The following DHH variants were observed in gnomAD, a reference collection of about 807,000 sequenced individuals.
DHH encodes desert hedgehog signaling molecule.
Under a neutral mutation model 27.6 loss-of-function variants are expected in DHH, and 16 were observed. The observed-to-expected ratio is 0.58, with a 90% CI of 0.39 to 0.88. The LOEUF is 0.88. Among genes scored for constraint, DHH ranks in the 40% least tolerant of loss-of-function variants. The pLI is 0.00. For missense variants in DHH, 436 were observed against 563.1 expected, an observed-to-expected ratio of 0.77 and a Z score of 2.28; for synonymous variants, 289 against 263.4, an observed-to-expected ratio of 1.10 and a Z score of -0.94.
intron 1 of DHH, among the ~76,000 whole-genome samples, chr12:49,093,739 A>C (rs2120837622): frequency 6.6e-6 from 1 of 152,168 alleles, no homozygotes; most frequent in South Asian, 2.1e-4. Context: ...TGGTGACCTG[A>C]CCCTTGGCCA....
intron 1 of DHH, chr12:49,093,207 G>A (rs1939335444): frequency 6.6e-6 from 1 of 152,104 alleles, no homozygotes; most frequent in Admixed American, 6.5e-5. Context: ...CAGTGGGGGT[G>A]GGGAGGGTTG....
chr12:49,091,030 G>T lies in DHH; in HGVS notation c.565+98C>A. On this transcript the variant is annotated intron_variant, in intron 2 of 2. Transcript: ENST00000649637. This position sits in a 1 kb window ranked among gnomAD's most constrained non-coding sequence, Gnocchi z 4.8. ...CGGGTGGTTTTCAACACTAAAGCCC[G>T]CTTGGTCTCCCCTAGGGTGGCAACA... 2.5e-6 allele frequency: 4 copies of T among 1,588,638 alleles called. No homozygotes were observed. Among genetic ancestry groups the T allele is most frequent in the East Asian group, 4.5e-5 (2 of 44,730 alleles).
rs1464252299 is a variant in DHH, at chr12:49,086,960, G to T, written c.*2899C>A. Reference sequence around the variant, plus strand: ...GCAAAGTCAGTCAGAAGTGGCCAAAGAATAGAAAACATTTACTGAGCGCCT... The same window carrying T: ...GCAAAGTCAGTCAGAAGTGGCCAAATAATAGAAAACATTTACTGAGCGCCT... On this transcript the variant is annotated 3_prime_UTR_variant, in exon 3 of 3. Coordinates refer to ENST00000649637, the MANE Select transcript of DHH (RefSeq NM_021044.4). Among the ~76,000 whole-genome samples, 1 of 152,178 alleles carries T rather than the reference G, an allele frequency of 6.6e-6. No individual in the cohort carries two copies. Among genetic ancestry groups the T allele is most frequent in the African/African-American group, 2.4e-5 (1 of 41,440 alleles).
Position 49,090,594 on chromosome 12 carries a change from C to G in DHH, c.566-110G>C. On this transcript the variant is annotated intron_variant, in intron 2 of 2. Coordinates refer to ENST00000649637, the MANE Select transcript of DHH (RefSeq NM_021044.4). This position sits in a 1 kb window ranked among gnomAD's most constrained non-coding sequence, Gnocchi z 5.2. The stretch of plus-strand genomic sequence containing the variant: ...ATGGACAACACAATTTTCCGTTAAT[C>G]TGACTGGCCCCAACCTGGGCAGAAA... The G allele has an allele frequency of 1.4e-6, 2 of 1,436,014 alleles. No individual in the cohort carries two copies. Among genetic ancestry groups the G allele is most frequent in the South Asian group, 2.5e-5 (2 of 81,496 alleles). 89.0% of individuals were successfully genotyped at this position (1,436,014 alleles called of 1,614,324 possible). A position where few individuals can be genotyped will look rare whatever the true frequency, so the allele number is the denominator to read the frequency against.
chr12:49,094,167 A>AGCTGGCAGTGCCCCGGC, intron 1 of DHH, 43 bp downstream of exon 1: 1 of 1,610,262 alleles, frequency 6.2e-7, no homozygotes. Context: ...AAAACGGAGG[A>AGCTGGCAGTGCCCCGGC]GCTGGCAGTG....
At position 49,087,828 on chromosome 12, in the gene DHH, G is replaced by A. The variant is rs1939232666; in HGVS notation, c.*2031C>T. ...GATTAGTCATCACCTGTGGTGACAT[G>A]ACAGGAAGGCACCAGATCTGATAAA... On this transcript the variant is annotated 3_prime_UTR_variant, in exon 3 of 3. Coordinates refer to ENST00000649637, the MANE Select transcript of DHH (RefSeq NM_021044.4). 6.6e-6 allele frequency among the ~76,000 whole-genome samples: 1 copy of A among 152,164 alleles called. No homozygotes were observed. The highest frequency in any genetic ancestry group is 2.4e-5 in the African/African-American group (1 of 41,424).
At position 49,088,161 on chromosome 12, in the gene DHH, A is replaced by G. The variant is rs575240133; in HGVS notation, c.*1698T>C. On this transcript the variant is annotated 3_prime_UTR_variant, in exon 3 of 3. Coordinates refer to ENST00000649637, the MANE Select transcript of DHH (RefSeq NM_021044.4). ...ACAGGTATACTAGTAGGGCATCTGC[A>G]GCTTCCAGGAACCACAGAGCTAAAC... is the stretch of plus-strand genomic sequence containing the variant. 2.0e-4 allele frequency among the ~76,000 whole-genome samples: 30 copies of G among 152,268 alleles called. No homozygotes were observed. The highest frequency in any genetic ancestry group is 7.2e-4 in the African/African-American group (30 of 41,542).
Position 49,090,954 on chromosome 12 carries a change from G to T in DHH, c.565+174C>A, listed in dbSNP as rs953746824. 6.6e-6 allele frequency among the ~76,000 whole-genome samples: 1 copy of T among 151,762 alleles called. No individual in the cohort carries two copies. The highest frequency in any genetic ancestry group is 2.4e-5 in the African/African-American group (1 of 41,118). ...TGACCTCAAGTGATCCGCCCTCCTT[G>T]GCCTCCCAAAGTGCTGGGATTAGAG... is the stretch of plus-strand genomic sequence containing the variant. On this transcript the variant is annotated intron_variant, in intron 2 of 2. Transcript: ENST00000649637. This position sits in a 1 kb window ranked among gnomAD's most constrained non-coding sequence, Gnocchi z 5.2.
intron 1 of DHH, among the ~76,000 whole-genome samples, chr12:49,092,627 G>C (rs1378063746): frequency 1.3e-5 from 2 of 152,242 alleles, no homozygotes; most frequent in African/African-American, 4.8e-5. Flanking sequence ...AACAGGAAAA[G>C]TGGTAGCTCC....
Position 49,089,247 on chromosome 12 carries a change from G to A in DHH, c.*612C>T, listed in dbSNP as rs1386024529. Among the ~76,000 whole-genome samples, 3 of 152,374 alleles carry A rather than the reference G, an allele frequency of 2.0e-5. No homozygotes were observed. Among genetic ancestry groups the A allele is most frequent in the Middle Eastern group, 3.4e-3 (1 of 294 alleles). ...AGACGGAAACAGCAGCCTGGAAAAG[G>A]GTACGACTCTTGTGGGCTCTGTTGC... On this transcript the variant is annotated 3_prime_UTR_variant, in exon 3 of 3. Transcript: ENST00000649637.
At chr12:49,093,118 A>G (rs1939333977) in intron 1 of DHH, 1 of 152,198 alleles carries the variant, frequency 6.6e-6, no homozygotes, top group Non-Finnish European at 1.5e-5. Flanking sequence ...AGTCCCAGCC[A>G]TGCCACTTTA....
rs1939245118 is a variant in DHH at position 49,088,643 on chromosome 12, C to G, written c.*1216G>C. Among the ~76,000 whole-genome samples, 1 of 152,146 alleles carries G rather than the reference C, an allele frequency of 6.6e-6. No homozygotes were observed. The highest frequency in any genetic ancestry group is 1.5e-5 in the Non-Finnish European group (1 of 68,024). ...ACCTGCCTGCCTGGATTCCAGGTGT[C>G]TACTGCGTTGGAACCTAAAGGTTCC... is the stretch of plus-strand genomic sequence containing the variant. On this transcript the variant is annotated 3_prime_UTR_variant, in exon 3 of 3. Coordinates refer to ENST00000649637, the MANE Select transcript of DHH (RefSeq NM_021044.4).
In DHH at chr12:49,091,481, C is replaced by G. The variant is rs1285204724; in HGVS notation, c.304-92G>C. On this transcript the variant is annotated intron_variant, in intron 1 of 2. Coordinates refer to ENST00000649637, the MANE Select transcript of DHH (RefSeq NM_021044.4). The surrounding 1 kb of genome is among the most constrained non-coding windows in gnomAD (Gnocchi z 4.8). The stretch of plus-strand genomic sequence containing the variant: ...GGGTTGATTCTTTGTTATTCCGGCC[C>G]TACTCTTACCCCTCCCAGCTTTTGA... 9.1e-6 allele frequency: 14 copies of G among 1,533,938 alleles called. No homozygotes were observed. The highest frequency in any genetic ancestry group is 1.2e-5 in the Non-Finnish European group (14 of 1,136,116).
In DHH at chr12:49,087,755, A is replaced by G. The variant is rs1939231639; in HGVS notation, c.*2104T>C. ...CATTACCTGATTACCTGGGAAGGGC[A>G]GTAAAACCAAGGAGCCCATCAACAT... On this transcript the variant is annotated 3_prime_UTR_variant, in exon 3 of 3. Transcript: ENST00000649637. Among the ~76,000 whole-genome samples the G allele has an allele frequency of 6.6e-6, 1 of 152,242 alleles. No homozygotes were observed. Among genetic ancestry groups the G allele is most frequent in the Non-Finnish European group, 1.5e-5 (1 of 68,048 alleles).
In DHH at chr12:49,089,598, T is replaced by G. The variant is rs1458101932; in HGVS notation, c.*261A>C. ...TTTATAAATAAGAAATAAAATAAAA[T>G]TATCGGGTGGGGCTGAAGCACTGGG... On this transcript the variant is annotated 3_prime_UTR_variant, in exon 3 of 3. Coordinates refer to ENST00000649637, the MANE Select transcript of DHH (RefSeq NM_021044.4). 1 of 381,574 alleles carries G rather than the reference T, an allele frequency of 2.6e-6. No homozygotes were observed. Among genetic ancestry groups the G allele is most frequent in the Non-Finnish European group, 4.6e-6 (1 of 215,930 alleles). 23.6% of individuals were successfully genotyped at this position (381,574 alleles called of 1,614,324 possible).
rs979120531 is a variant in DHH, at chr12:49,091,714, C to T, written c.304-325G>A. Among the ~76,000 whole-genome samples, 8 of 152,102 alleles carry T rather than the reference C, an allele frequency of 5.3e-5. No homozygotes were observed. The highest frequency in any genetic ancestry group is 8.8e-5 in the Non-Finnish European group (6 of 68,018). On this transcript the variant is annotated intron_variant, in intron 1 of 2. Transcript: ENST00000649637. This position sits in a 1 kb window ranked among gnomAD's most constrained non-coding sequence, Gnocchi z 4.8. ...TGGGAGAAGGACAGAGTTAGGAGGG[C>T]GAATGGAAGCGTGGTCAGGGAGGGC...
Position 49,090,111 on chromosome 12 carries a change from C to G in DHH, c.939G>C (p.Val313=), listed in dbSNP as rs1939269762. 6.6e-7 allele frequency: 1 copy of G among 1,514,028 alleles called. No homozygotes were observed. The highest frequency in any genetic ancestry group is 1.4e-5 in the African/African-American group (1 of 69,970). 93.8% of individuals were successfully genotyped at this position (1,514,028 alleles called of 1,614,324 possible). ...CGGCTTCCTCCCGCGCCACACGGGC[C>G]ACGCGCGCTGGCCGAAGCGCATCCC... ...PGGDALRPAR[V]ARVAREEAVG... Residue 313 remains valine, a synonymous_variant, in exon 3 of 3, where the codon GTG becomes GTC. Coordinates refer to ENST00000649637, the MANE Select transcript of DHH (RefSeq NM_021044.4). This position sits in a 1 kb window ranked among gnomAD's most constrained non-coding sequence, Gnocchi z 5.2.
chr12:49,094,449 T>C lies in DHH; in HGVS notation c.64A>G (p.Ser22Gly). 1 of 1,597,504 alleles carries C rather than the reference T, an allele frequency of 6.3e-7. No individual in the cohort carries two copies. The highest frequency in any genetic ancestry group is 8.5e-7 in the Non-Finnish European group (1 of 1,172,592). Residue 22 changes from serine to glycine, a missense_variant, in exon 1 of 3, where the codon AGC becomes GGC. Transcript: ENST00000649637. The stretch of plus-strand genomic sequence containing the variant: ...ACCGGCCCCCGGCCCGGCCCGCAGC[T>C]CTGGGCTGGCAGCGCCAGAAGTGCC... ...CLALLALPAQ[S>G]CGPGRGPVGR...
Position 49,094,621 on chromosome 12 carries a change from A to T in DHH, c.-109T>A. 1 of 1,253,926 alleles carries T rather than the reference A, an allele frequency of 8.0e-7. No individual in the cohort carries two copies. Among genetic ancestry groups the T allele is most frequent in the Non-Finnish European group, 1.1e-6 (1 of 880,720 alleles). The allele number at this position is 1,253,926 out of a possible 1,614,324, so 77.7% of individuals were successfully genotyped here. On this transcript the variant is annotated 5_prime_UTR_variant, in exon 1 of 3. Coordinates refer to ENST00000649637, the MANE Select transcript of DHH (RefSeq NM_021044.4). ...GAGGGCAGCAGGCACAGCTGCCCCC[A>T]GAGTGCCCTAGAGCTCTTGTGGCTC...
Sources: allele counts gnomAD v4.1 joint callset (sites outside exome capture counted in the v4.1 genomes callset), GRCh38; gene constraint gnomAD v4.1.1; non-coding constraint Gnocchi (gnomAD v3.1); transcripts MANE v1.5; gene names NCBI Gene and HGNC (gene_info 2026-07-23, HGNC 2026-07-21).